VAC14: variants seen among roughly 807,000 people sequenced by gnomAD.
VAC14 encodes VAC14 component of PIKFYVE complex, also known as protein VAC14 homolog.
VAC14 carries 47 observed loss-of-function variants against 85.3 expected under a neutral mutation model. The observed-to-expected ratio is 0.55, with a 90% CI of 0.44 to 0.70. The LOEUF is 0.70. VAC14 is among the 30% of genes least tolerant of loss of function. The probability of loss-of-function intolerance (pLI) is 0.00; values close to 1 mark genes in which losing one functional copy is unlikely to be tolerated. For missense variants in VAC14, 861 were observed against 1,004.3 expected (o/e 0.86, Z 1.93); for synonymous variants, 447 against 430.5 (o/e 1.04, Z -0.47).
intron 13 of VAC14, among the ~76,000 whole-genome samples, chr16:70,741,473 C>A (rs2030300805): frequency 6.6e-6 from 1 of 152,212 alleles, no homozygotes; most frequent in Admixed American, 6.5e-5. Context: ...AATCATGGCC[C>A]CATTTGTAAA....
intron 13 of VAC14, among the ~76,000 whole-genome samples, chr16:70,740,102 A>G (rs1019853382): frequency 6.6e-6 from 1 of 152,062 alleles, no homozygotes; most frequent in Non-Finnish European, 1.5e-5. Flanking sequence ...CTGGGATTAC[A>G]GGCACGCACC....
chr16:70,776,084 C>T (rs2033500790), intron 9 of VAC14, among the ~76,000 whole-genome samples: 1 of 152,090 alleles, frequency 6.6e-6, no homozygotes, highest in South Asian at 2.1e-4. Flanking sequence ...AAATGACACC[C>T]ACCATAAGAA....
At chr16:70,700,799 C>A (rs2053810516) in intron 14 of VAC14, among the ~76,000 whole-genome samples, 1 of 152,220 alleles carries the variant, frequency 6.6e-6, no homozygotes, top group Non-Finnish European at 1.5e-5. Flanking sequence ...GGGGGGCGTT[C>A]TGACAAATGG....
intron 14 of VAC14, among the ~76,000 whole-genome samples, chr16:70,700,785 G>A (rs930365901): frequency 4.6e-5 from 7 of 152,238 alleles, no homozygotes; most frequent in Non-Finnish European, 1.0e-4. Context: ...AGGCACAGGA[G>A]GAAGGGGGGC....
intron 14 of VAC14, among the ~76,000 whole-genome samples, chr16:70,726,554 C>T (rs1158390346): frequency 6.6e-6 from 1 of 152,220 alleles, no homozygotes. Context: ...ACTATCATCG[C>T]TGCGTCACAG....
At chr16:70,780,390 G>A (rs1053497052) in intron 9 of VAC14, among the ~76,000 whole-genome samples, 5 of 152,078 alleles carry the variant, frequency 3.3e-5, no homozygotes, top group African/African-American at 1.2e-4. Context: ...AGAATCAAGT[G>A]CCCCCTGAAT....
intron 18 of VAC14, chr16:70,691,818 G>T (rs749263199): frequency 1.0e-6 from 1 of 985,408 alleles, no homozygotes; most frequent in Non-Finnish European, 1.2e-6. Flanking sequence ...AGTGGGAGCC[G>T]ATGCCAGCGG....
At chr16:70,756,678 C>G (rs1254721588) in intron 12 of VAC14, among the ~76,000 whole-genome samples, 2 of 152,186 alleles carry the variant, frequency 1.3e-5, no homozygotes, top group Admixed American at 1.3e-4. Context: ...TCAGGCACTT[C>G]TGCTACCTGT....
intron 14 of VAC14, among the ~76,000 whole-genome samples, chr16:70,713,317 C>T (rs769155649): frequency 6.6e-6 from 1 of 152,232 alleles, no homozygotes; most frequent in Non-Finnish European, 1.5e-5. Flanking sequence ...CTGGCTATGA[C>T]GGGCGCGCTG....
intron 18 of VAC14, chr16:70,688,711 C>G: frequency 1.0e-6 from 1 of 985,594 alleles, no homozygotes; most frequent in Non-Finnish European, 1.2e-6. Flanking sequence ...CTCTGTACAG[C>G]AACACAGGTT....
intron 14 of VAC14, among the ~76,000 whole-genome samples, chr16:70,700,558 A>G (rs1567523980): frequency 1.3e-5 from 2 of 152,188 alleles, no homozygotes; most frequent in Non-Finnish European, 2.9e-5. Context: ...GGAACAAGCC[A>G]TGTAAGGCTA....
At chr16:70,700,824 C>T (rs541178521) in intron 14 of VAC14, among the ~76,000 whole-genome samples, 1 of 152,216 alleles carries the variant, frequency 6.6e-6, no homozygotes, top group Non-Finnish European at 1.5e-5. Context: ...AAGTGCCCGT[C>T]GCCGGCAGCT....
chr16:70,724,113 G>A (rs542026485), intron 14 of VAC14, among the ~76,000 whole-genome samples: 162 of 152,238 alleles, frequency 1.1e-3, no homozygotes, highest in Admixed American at 2.8e-3. Flanking sequence ...GGCCCCCTAG[G>A]CACACTGTGC....
intron 14 of VAC14, chr16:70,699,924 C>T (rs1267093108): frequency 6.6e-6 from 1 of 152,254 alleles, no homozygotes; most frequent in African/African-American, 2.4e-5. Flanking sequence ...AGCTCCAGTG[C>T]CTGACGCCGC....
chr16:70,797,149 A>C (rs545258188), intron 1 of VAC14, among the ~76,000 whole-genome samples: 6 of 152,354 alleles, frequency 3.9e-5, no homozygotes, highest in African/African-American at 1.4e-4. Context: ...AGATGTTGGC[A>C]GGCTATGTTA....
intron 13 of VAC14, among the ~76,000 whole-genome samples, chr16:70,737,571 C>T (rs1161544361): frequency 6.6e-6 from 1 of 152,184 alleles, no homozygotes; most frequent in African/African-American, 2.4e-5. Flanking sequence ...GCCTGCCAGC[C>T]CCTGGCAGGA....
chr16:70,706,444 G>A (rs2053921690), intron 14 of VAC14, among the ~76,000 whole-genome samples: 1 of 152,200 alleles, frequency 6.6e-6, no homozygotes, highest in South Asian at 2.1e-4. Flanking sequence ...CCTATGGCCA[G>A]GCCTCCTTCC....
intron 14 of VAC14, chr16:70,715,982 C>G (rs1256902229): frequency 6.6e-6 from 1 of 152,236 alleles, no homozygotes; most frequent in Non-Finnish European, 1.5e-5. Flanking sequence ...TTCAGGCAGC[C>G]TTTAAAAGCC....
chr16:70,731,735 G>A (rs574085425), intron 13 of VAC14, 108 bp from the exon 14 acceptor site: 708 of 1,236,014 alleles, frequency 5.7e-4, no homozygotes, highest in Non-Finnish European at 7.2e-4. Flanking sequence ...ATGTGTGTGG[G>A]GGGTGTTATA....
Sources: gnomAD v4.1 joint callset for allele counts (sites outside exome capture counted in the v4.1 genomes callset) on GRCh38, gnomAD v4.1.1 for gene constraint, MANE v1.5 for transcripts, NCBI Gene and HGNC (gene_info 2026-07-23, HGNC 2026-07-21) for gene names.